CCDC175: variants seen among roughly 807,000 people sequenced by gnomAD.
CCDC175 encodes coiled-coil domain-containing protein 175.
CCDC175 carries 100 observed loss-of-function variants against 114.6 expected under a neutral mutation model. That is an observed-to-expected ratio of 0.87 (90% CI 0.74 to 1.03). The LOEUF (loss-of-function observed/expected upper bound fraction) is 1.03, where lower values mean the gene tolerates loss of function less well. Among genes scored for constraint, CCDC175 ranks in the 50% least tolerant of loss-of-function variants. The pLI is 0.00. For missense variants in CCDC175, 880 were observed against 917.8 expected, an observed-to-expected ratio of 0.96 and a Z score of 0.53; for synonymous variants, 306 against 308.7, an observed-to-expected ratio of 0.99 and a Z score of 0.09.
intron 17 of CCDC175, among the ~76,000 whole-genome samples, chr14:59,518,262 C>T (rs936008330): frequency 2.6e-5 from 4 of 152,080 alleles, no homozygotes; most frequent in African/African-American, 7.2e-5. Context: ...TAGGCATGGG[C>T]AAGGACTTCA....
At chr14:59,559,124 A>G (rs17096379) in intron 7 of CCDC175, among the ~76,000 whole-genome samples, 2,548 of 152,268 alleles carry the variant, frequency 0.017, 65 homozygotes, top group African/African-American at 0.058. Context: ...CAAAAAAGCA[A>G]CTATAGTCTC....
rs990181432 is a variant in CCDC175, at chr14:59,537,897, A to G, written c.1623+126T>C. ...GAAAAGAAGAAAGATCCAGAATGAA[A>G]TTGTAGCCTCTTTCATACTAGAATA... On this transcript the variant is annotated intron_variant, in intron 13 of 19. Transcript: ENST00000537690. 6.6e-6 allele frequency: 4 copies of G among 609,714 alleles called. No individual in the cohort carries two copies. The African/African-American group carries it at 7.6e-5, about 12-fold the overall frequency. The allele number at this position is 609,714 out of a possible 1,614,324, so 37.8% of individuals were successfully genotyped here.
At position 59,538,854 on chromosome 14, in the gene CCDC175, C is replaced by CA; in HGVS notation, c.1356-15dup. The CA allele has an allele frequency of 6.6e-7, 1 of 1,512,064 alleles. No homozygotes were observed. Among genetic ancestry groups the CA allele is most frequent in the Non-Finnish European group, 8.8e-7 (1 of 1,138,742 alleles). 93.7% of individuals were successfully genotyped at this position (1,512,064 alleles called of 1,614,324 possible). On this transcript the variant is annotated splice_polypyrimidine_tract_variant and intron_variant, in intron 11 of 19. Transcript: ENST00000537690. ...TGAGTTATAACACTAGAGATTAGAG[C>CA]AAAAAGAATTGCCATTAAATTGACA...
At chr14:59,534,888 T>C (rs933427245) in intron 13 of CCDC175, among the ~76,000 whole-genome samples, 1 of 152,230 alleles carries the variant, frequency 6.6e-6, no homozygotes, top group African/African-American at 2.4e-5. Context: ...TTCCTTAGAA[T>C]GTATGGGTCA....
At chr14:59,560,370 A>C (rs1896158411) in intron 7 of CCDC175, among the ~76,000 whole-genome samples, 1 of 152,274 alleles carries the variant, frequency 6.6e-6, no homozygotes, top group South Asian at 2.1e-4. Flanking sequence ...AGTCCCCGGA[A>C]GCCATGTTAT....
At chr14:59,532,424 A>G (rs1894122540) in intron 13 of CCDC175, among the ~76,000 whole-genome samples, 1 of 152,218 alleles carries the variant, frequency 6.6e-6, no homozygotes, top group African/African-American at 2.4e-5. Context: ...TTCAAATGGA[A>G]TAATAGTTGG....
chr14:59,560,352 A>G (rs1268293648), intron 7 of CCDC175, among the ~76,000 whole-genome samples: 1 of 152,144 alleles, frequency 6.6e-6, no homozygotes, highest in Admixed American at 6.6e-5. Context: ...TCAGTGAACC[A>G]CTGCAGTAGT....
chr14:59,528,607 T>C (rs976728040), intron 14 of CCDC175, among the ~76,000 whole-genome samples: 1 of 152,136 alleles, frequency 6.6e-6, no homozygotes, highest in African/African-American at 2.4e-5. Flanking sequence ...TATAAAGTTA[T>C]AGTTTTCGTT....
intron 16 of CCDC175, among the ~76,000 whole-genome samples, chr14:59,524,769 T>C (rs1327441412): frequency 6.6e-6 from 1 of 152,212 alleles, no homozygotes; most frequent in African/African-American, 2.4e-5. Context: ...ACTAGAATGT[T>C]CACAGCAATA....
At chr14:59,509,872 T>G (rs1232989308) in intron 19 of CCDC175, among the ~76,000 whole-genome samples, 1 of 152,214 alleles carries the variant, frequency 6.6e-6, no homozygotes, top group Non-Finnish European at 1.5e-5. Flanking sequence ...ATCTAGTGAT[T>G]ATGCTCTTTA....
intron 8 of CCDC175, 122 bp from the exon 9 acceptor site, chr14:59,545,421 T>A: frequency 7.0e-6 from 5 of 717,740 alleles, no homozygotes; most frequent in Non-Finnish European, 1.1e-5. Flanking sequence ...GAATATGCCA[T>A]AAATGCCGAG....
At chr14:59,519,224 A>G (rs903897785) in intron 17 of CCDC175, among the ~76,000 whole-genome samples, 8 of 152,166 alleles carry the variant, frequency 5.3e-5, no homozygotes, top group Admixed American at 1.3e-4. Context: ...TTAAATGATG[A>G]GTTACAGGGT....
In CCDC175 at chr14:59,572,794, G is replaced by A; in HGVS notation, c.263C>T (p.Thr88Ile). The change falls in exon 3 of 20, where the codon ACA becomes ATA. Residue 88 changes from threonine to isoleucine, a missense_variant. Transcript: ENST00000537690. ...VKKLEEMRKA[T>I]IDLLEIESME... ...GCTTTCAATCTCCAAAAGATCGATT[G>A]TGGCTTTTCTCATTTCTTCCTGAAA... 6.6e-7 allele frequency: 1 copy of A among 1,508,666 alleles called. No individual in the cohort carries two copies. Among genetic ancestry groups the A allele is most frequent in the East Asian group, 2.5e-5 (1 of 39,598 alleles). The allele number at this position is 1,508,666 out of a possible 1,614,324, so 93.5% of individuals were successfully genotyped here.
At chr14:59,545,520 T>G (rs2140052583) in intron 8 of CCDC175, among the ~76,000 whole-genome samples, 1 of 152,330 alleles carries the variant, frequency 6.6e-6, no homozygotes, top group Admixed American at 6.5e-5. Context: ...TAAACCCTGC[T>G]GCAAAACCAT....
Position 59,563,761 on chromosome 14 carries a change from T to C in CCDC175, c.819A>G (p.Lys273=). Residue 273 remains lysine, a synonymous_variant, in exon 6 of 20, where the codon AAA becomes AAG. Coordinates refer to ENST00000537690, the MANE Select transcript of CCDC175 (RefSeq NM_001164399.2). ...CCGCTGCGGAAACAGTAACTGTTTC[T>C]TTTATTTTTGACATTTTAGTTTGTA... ...DKLQTKMSKI[K]ETVTVSAAVL... 1 of 1,441,878 alleles carries C rather than the reference T, an allele frequency of 6.9e-7. No individual in the cohort carries two copies. The highest frequency in any genetic ancestry group is 2.7e-5 in the East Asian group (1 of 36,682). 89.3% of individuals were successfully genotyped at this position (1,441,878 alleles called of 1,614,324 possible).
intron 7 of CCDC175, among the ~76,000 whole-genome samples, chr14:59,557,952 C>T (rs568553753): frequency 2.6e-5 from 4 of 152,104 alleles, no homozygotes; most frequent in African/African-American, 7.2e-5. Flanking sequence ...ATCTCAGATA[C>T]TATTAAGTGC....
chr14:59,548,227 T>C (rs1009663732), intron 8 of CCDC175, among the ~76,000 whole-genome samples: 1 of 152,034 alleles, frequency 6.6e-6, no homozygotes, highest in African/African-American at 2.4e-5. Flanking sequence ...TGATCCCAAT[T>C]ATACGCAAAA....
intron 17 of CCDC175, among the ~76,000 whole-genome samples, chr14:59,518,498 G>T (rs942900589): frequency 2.6e-5 from 4 of 152,204 alleles, no homozygotes; most frequent in African/African-American, 9.7e-5. Context: ...CCATCAACAA[G>T]TGGGCGAAGG....
intron 13 of CCDC175, among the ~76,000 whole-genome samples, chr14:59,534,124 G>C (rs1894253798): frequency 6.6e-6 from 1 of 152,062 alleles, no homozygotes; most frequent in Admixed American, 6.5e-5. Flanking sequence ...CAGGTTCCCA[G>C]GGCTGCTGTG....
Sources: allele counts gnomAD v4.1 joint callset (sites outside exome capture counted in the v4.1 genomes callset), GRCh38; gene constraint gnomAD v4.1.1; transcripts MANE v1.5; gene names NCBI Gene and HGNC (gene_info 2026-07-23, HGNC 2026-07-21).